Variants in TENM4 observed in about 807,000 individuals in gnomAD.
TENM4 encodes teneurin transmembrane protein 4, also known as teneurin-4.
TENM4 carries 82 observed loss-of-function variants against 243.3 expected under a neutral mutation model. The ratio of observed to expected loss-of-function variants is 0.34; its 90% CI spans 0.28 to 0.40. The LOEUF is 0.40. Ranked by LOEUF, TENM4 falls within the 10% of genes least tolerant of loss-of-function variation. The pLI is 1.00. For synonymous variants in TENM4, 1,412 were observed against 1,456.3 expected (o/e 0.97, Z 0.69); for missense variants, 3,138 against 3,673.3 (o/e 0.85, Z 3.77).
chr11:78,697,020 G>A (rs528437996), intron 28 of TENM4, among the ~76,000 whole-genome samples: 17 of 152,292 alleles, frequency 1.1e-4, no homozygotes, highest in African/African-American at 3.6e-4. Context: ...GGTCAGGGGT[G>A]TATGCTCCTC....
chr11:79,116,542 T>C (rs1861626151), intron 4 of TENM4, among the ~76,000 whole-genome samples: 1 of 152,164 alleles, frequency 6.6e-6, no homozygotes, highest in Admixed American at 6.5e-5. Flanking sequence ...GCCTTACAGA[T>C]GGGAAGGATT....
rs141025982 is a variant in TENM4, at chr11:79,051,938, C to T, written c.493+12800G>A. Among the ~76,000 whole-genome samples, 27 of 152,362 alleles carry T rather than the reference C, an allele frequency of 1.8e-4. No individual in the cohort carries two copies. The East Asian group carries it at 5.2e-3, about 29-fold the overall frequency. On this transcript the variant is annotated intron_variant, in intron 6 of 33. Coordinates refer to ENST00000278550, the MANE Select transcript of TENM4 (RefSeq NM_001098816.3). Reference sequence around the variant, plus strand: ...GCTTCCAGCTCCATCCATGTCCCTGCAAAGGACATGATCTTGTTCCTTTTT... The same window carrying T: ...GCTTCCAGCTCCATCCATGTCCCTGTAAAGGACATGATCTTGTTCCTTTTT...
intron 4 of TENM4, among the ~76,000 whole-genome samples, chr11:79,120,488 G>A (rs1224324659): frequency 2.0e-5 from 3 of 152,210 alleles, no homozygotes; most frequent in African/African-American, 7.2e-5. Flanking sequence ...AAAATCAGAC[G>A]TTTCTAACTA....
At chr11:79,280,121 A>C (rs1856131446) in intron 2 of TENM4, among the ~76,000 whole-genome samples, 1 of 152,258 alleles carries the variant, frequency 6.6e-6, no homozygotes, top group South Asian at 2.1e-4. Flanking sequence ...TCCAGTCTCT[A>C]GAACTGTGAG....
At chr11:79,382,527 A>G (rs887240487) in intron 1 of TENM4, among the ~76,000 whole-genome samples, 2 of 152,204 alleles carry the variant, frequency 1.3e-5, no homozygotes, top group African/African-American at 2.4e-5. Flanking sequence ...GATCAGCCTC[A>G]GGAACTCTAC....
At chr11:79,041,124 C>A (rs967693054) in intron 6 of TENM4, among the ~76,000 whole-genome samples, 12 of 151,260 alleles carry the variant, frequency 7.9e-5, no homozygotes, top group Non-Finnish European at 1.8e-4. Context: ...CGTGCAGTGG[C>A]ACAATCTTAG....
At position 79,165,010 on chromosome 11, in the gene TENM4, C is replaced by T. The variant is rs148853759; in HGVS notation, c.-162-16204G>A. On this transcript the variant is annotated intron_variant, in intron 3 of 33. Transcript: ENST00000278550. The stretch of plus-strand genomic sequence containing the variant: ...GTGTGTGTGTGTATACATATATATA[C>T]ATGCACCACATTTTCCTTATCCACT... Among the ~76,000 whole-genome samples the T allele has an allele frequency of 4.1e-5, 6 of 146,082 alleles. No homozygotes were observed. In the East Asian group the frequency reaches 1.2e-3, roughly 29 times the overall value.
chr11:79,337,599 C>T (rs531685901), intron 1 of TENM4, among the ~76,000 whole-genome samples: 2 of 152,260 alleles, frequency 1.3e-5, no homozygotes, highest in East Asian at 1.9e-4. Context: ...GACGGACCTT[C>T]GCAAGGTAAA....
chr11:78,908,950 C>A (rs1310219000), intron 6 of TENM4, among the ~76,000 whole-genome samples: 2 of 152,292 alleles, frequency 1.3e-5, no homozygotes, highest in African/African-American at 4.8e-5. Context: ...GTTGGGAGGA[C>A]AGCTGGCAAA....
At chr11:79,085,388 A>G (rs28701064) in intron 4 of TENM4, among the ~76,000 whole-genome samples, 31 of 132,216 alleles carry the variant, frequency 2.3e-4, no homozygotes, top group East Asian at 1.5e-3. Context: ...AAAAAAAAAA[A>G]GGGGGGTTTT....
chr11:79,147,146 T>C (rs150440732), intron 4 of TENM4, among the ~76,000 whole-genome samples: 4 of 152,276 alleles, frequency 2.6e-5, no homozygotes, highest in East Asian at 3.9e-4. Context: ...TTGCAAAGTA[T>C]TGATACAGTC....
chr11:79,082,007 G>A (rs1202564030), intron 4 of TENM4, among the ~76,000 whole-genome samples: 2 of 152,142 alleles, frequency 1.3e-5, no homozygotes, highest in Non-Finnish European at 2.9e-5. Context: ...TTCATCATCT[G>A]TTAGGAAAAT....
rs1590888045 is a variant in TENM4 at position 79,334,943 on chromosome 11, C to A, written c.-320-37400G>T. Among the ~76,000 whole-genome samples, 3 of 152,318 alleles carry A rather than the reference C, an allele frequency of 2.0e-5. No homozygotes were observed. In the Middle Eastern group the frequency reaches 0.01, roughly 518 times the overall value. ...CTTGCCTTTGGGGTCCTGCATCATA[C>A]CGTGCCCTCCAACAAATGTGTTATT... On this transcript the variant is annotated intron_variant, in intron 1 of 33. Transcript: ENST00000278550.
At chr11:79,235,358 C>T in intron 2 of TENM4, among the ~76,000 whole-genome samples, 1 of 152,064 alleles carries the variant, frequency 6.6e-6, no homozygotes, top group Non-Finnish European at 1.5e-5. Flanking sequence ...CAGTCAAATT[C>T]TGAGAGACAG....
chr11:79,070,801 T>C (rs1214903768), intron 4 of TENM4, among the ~76,000 whole-genome samples: 1 of 152,224 alleles, frequency 6.6e-6, no homozygotes. Flanking sequence ...AAAGCCAGGA[T>C]TGGAACTCTG....
At chr11:78,839,923 C>T (rs566586283) in intron 12 of TENM4, among the ~76,000 whole-genome samples, 5 of 152,296 alleles carry the variant, frequency 3.3e-5, no homozygotes, top group African/African-American at 9.6e-5. Flanking sequence ...ACCAGATACA[C>T]CTGCTGGGGT....
At position 79,215,795 on chromosome 11, in the gene TENM4, C is replaced by G. The variant is rs751425158; in HGVS notation, c.-163+13G>C. 2.0e-6 allele frequency: 2 copies of G among 985,760 alleles called. No individual in the cohort carries two copies. Among genetic ancestry groups the G allele is most frequent in the Admixed American group, 6.1e-5 (1 of 16,262 alleles). 61.1% of individuals were successfully genotyped at this position (985,760 alleles called of 1,614,324 possible). A position where few individuals can be genotyped will look rare whatever the true frequency, so the allele number is the denominator to read the frequency against. On this transcript the variant is annotated intron_variant, in intron 3 of 33. Coordinates refer to ENST00000278550, the MANE Select transcript of TENM4 (RefSeq NM_001098816.3). ...GCTAATGACAGAAAATCAGAGCAGA[C>G]AAGGGGACTGACCTGGCTCCATGTC...
intron 1 of TENM4, among the ~76,000 whole-genome samples, chr11:79,347,901 TC>T (rs1857354052): frequency 6.8e-6 from 1 of 147,290 alleles, no homozygotes; most frequent in Non-Finnish European, 1.5e-5. Context: ...TGCCTCAGCC[TC>T]CCCAGTAGCT....
chr11:79,138,331 T>TATTATATATATA (rs1862155764), intron 4 of TENM4, among the ~76,000 whole-genome samples: 1 of 76,154 alleles, frequency 1.3e-5, no homozygotes, highest in African/African-American at 6.4e-5. Flanking sequence ...ATATATATAT[T>TATTATATATATA]ATATATATAA....
Sources: gnomAD v4.1 joint callset for allele counts (sites outside exome capture counted in the v4.1 genomes callset) on GRCh38, gnomAD v4.1.1 for gene constraint, MANE v1.5 for transcripts, NCBI Gene and HGNC (gene_info 2026-07-23, HGNC 2026-07-21) for gene names.